The following DCC variants were observed in gnomAD, a reference collection of about 807,000 sequenced individuals.
The protein encoded by DCC is netrin receptor DCC.
A neutral mutation model predicts 172.5 loss-of-function variants in DCC; 58 were observed. The ratio of observed to expected loss-of-function variants is 0.34; its 90% CI spans 0.27 to 0.42. The LOEUF (loss-of-function observed/expected upper bound fraction) is 0.42, where lower values mean the gene tolerates loss of function less well. DCC is among the 10% of genes least tolerant of loss of function. The pLI is 1.00. For missense variants in DCC, 1,740 were observed against 1,791.0 expected (o/e 0.97, Z 0.51); for synonymous variants, 709 against 644.5 (o/e 1.10, Z -1.52).
At chr18:52,496,280 G>A (rs900808861) in intron 1 of DCC, among the ~76,000 whole-genome samples, 1 of 152,026 alleles carries the variant, frequency 6.6e-6, no homozygotes. Flanking sequence ...GCTGCAGTTA[G>A]CAATCAAGAG....
At chr18:52,741,758 C>T (rs946178329) in intron 1 of DCC, among the ~76,000 whole-genome samples, 1 of 152,240 alleles carries the variant, frequency 6.6e-6, no homozygotes, top group Non-Finnish European at 1.5e-5. Flanking sequence ...TCCAACCCAG[C>T]TATTCCTGGG....
chr18:53,498,080 C>T (rs561330316), intron 26 of DCC, among the ~76,000 whole-genome samples: 26 of 152,334 alleles, frequency 1.7e-4, no homozygotes, highest in African/African-American at 6.0e-4. Context: ...GACCTCTAAC[C>T]CCTTCTGAAT....
At chr18:52,807,401 T>TA (rs1278845549) in intron 2 of DCC, among the ~76,000 whole-genome samples, 2 of 152,204 alleles carry the variant, frequency 1.3e-5, no homozygotes, top group African/African-American at 4.8e-5. Context: ...GCAAAACTGA[T>TA]ATGCTCCCTG....
chr18:52,751,959 C>T, intron 1 of DCC, 95 bp from the exon 2 acceptor site: 1 of 1,095,386 alleles, frequency 9.1e-7, no homozygotes, highest in East Asian at 2.5e-5. Flanking sequence ...AAGCCCTCAG[C>T]TTTTGTGAAA....
At chr18:52,891,882 AT>A (rs1250892775) in intron 2 of DCC, among the ~76,000 whole-genome samples, 1 of 152,046 alleles carries the variant, frequency 6.6e-6, no homozygotes, top group Non-Finnish European at 1.5e-5. Flanking sequence ...CCACTCTTGT[AT>A]TCACCACCAC....
intron 2 of DCC, among the ~76,000 whole-genome samples, chr18:52,873,074 G>T (rs556183538): frequency 2.6e-5 from 4 of 152,010 alleles, no homozygotes; most frequent in African/African-American, 7.2e-5. Context: ...ATTTGAAATC[G>T]GTCACAGGCT....
intron 2 of DCC, among the ~76,000 whole-genome samples, chr18:52,800,561 G>A (rs1034613213): frequency 1.3e-5 from 2 of 152,166 alleles, no homozygotes; most frequent in African/African-American, 4.8e-5. Context: ...CTTCTCAGTT[G>A]AAAATGGTGT....
chr18:52,540,764 G>A (rs1568219341), intron 1 of DCC, among the ~76,000 whole-genome samples: 1 of 151,626 alleles, frequency 6.6e-6, no homozygotes, highest in Non-Finnish European at 1.5e-5. Flanking sequence ...CCGCCACCAC[G>A]CCCAGCTAAT....
chr18:52,694,302 A>T (rs2035976951), intron 1 of DCC, among the ~76,000 whole-genome samples: 1 of 152,174 alleles, frequency 6.6e-6, no homozygotes, highest in Non-Finnish European at 1.5e-5. Flanking sequence ...AGATATGATG[A>T]TGGGATGCAA....
At chr18:52,958,981 A>G (rs1298452195) in intron 5 of DCC, among the ~76,000 whole-genome samples, 2 of 152,042 alleles carry the variant, frequency 1.3e-5, no homozygotes, top group Non-Finnish European at 2.9e-5. Flanking sequence ...ATTTTTTGTA[A>G]TTTTGTTTTT....
chr18:53,158,533 CAA>C (rs955716667), intron 8 of DCC, among the ~76,000 whole-genome samples: 4 of 152,020 alleles, frequency 2.6e-5, no homozygotes, highest in Admixed American at 1.3e-4. Flanking sequence ...TTGGATAAAC[CAA>C]AGTGTTATTT....
At chr18:53,308,417 A>G (rs1321364992) in intron 13 of DCC, among the ~76,000 whole-genome samples, 1 of 152,014 alleles carries the variant, frequency 6.6e-6, no homozygotes, top group South Asian at 2.1e-4. Context: ...ACAGTATGAT[A>G]TGTATTTTTA....
intron 5 of DCC, among the ~76,000 whole-genome samples, chr18:52,949,675 G>T (rs1249245037): frequency 2.6e-5 from 4 of 152,136 alleles, no homozygotes; most frequent in Non-Finnish European, 4.4e-5. Flanking sequence ...CTTCAAAGTG[G>T]TTTTCAGCAG....
rs1249015998 is a variant in DCC, at chr18:53,145,973, G to A, written c.1262-11383G>A. The stretch of plus-strand genomic sequence containing the variant: ...ACTGGGCCAGGCACAGTGGCTCACA[G>A]CTGTAATCCTGGCACTTTGGGAGGC... On this transcript the variant is annotated intron_variant, in intron 7 of 28. Coordinates refer to ENST00000442544, the MANE Select transcript of DCC (RefSeq NM_005215.4). Among the ~76,000 whole-genome samples, 4 of 151,718 alleles carry A rather than the reference G, an allele frequency of 2.6e-5. No individual in the cohort carries two copies. In the South Asian group the frequency reaches 8.3e-4, roughly 32 times the overall value.
chr18:53,012,811 A>C (rs931570181), intron 5 of DCC, among the ~76,000 whole-genome samples: 2 of 152,086 alleles, frequency 1.3e-5, no homozygotes, highest in Admixed American at 1.3e-4. Context: ...ATGGGAGAAA[A>C]TTTTTGCAAT....
At chr18:52,449,458 A>G (rs554834866) in intron 1 of DCC, among the ~76,000 whole-genome samples, 2 of 152,358 alleles carry the variant, frequency 1.3e-5, no homozygotes, top group African/African-American at 4.8e-5. Context: ...TTTGGTCCTT[A>G]ATGATTTAGT....
At position 52,704,169 on chromosome 18, in the gene DCC, A is replaced by G. The variant is rs72914273; in HGVS notation, c.92-47885A>G. Among the ~76,000 whole-genome samples, 725 of 151,312 alleles carry G rather than the reference A, an allele frequency of 4.8e-3. 4 individuals are homozygous for G. Among genetic ancestry groups the G allele is most frequent in the Non-Finnish European group, 5.5e-3 (376 of 68,028 alleles). The stretch of plus-strand genomic sequence containing the variant: ...ATATTATTAATCTCTGTCAACATAC[A>G]CATAAAACTTCCAACCTTTGTATGT... On this transcript the variant is annotated intron_variant, in intron 1 of 28. Coordinates refer to ENST00000442544, the MANE Select transcript of DCC (RefSeq NM_005215.4).
intron 14 of DCC, among the ~76,000 whole-genome samples, chr18:53,326,587 C>T (rs1006038818): frequency 6.6e-6 from 1 of 152,144 alleles, no homozygotes; most frequent in South Asian, 2.1e-4. Flanking sequence ...TACAAAAGAA[C>T]ATTCAACCTG....
chr18:53,187,615 A>G, intron 9 of DCC, among the ~76,000 whole-genome samples: 1 of 152,114 alleles, frequency 6.6e-6, no homozygotes, highest in Admixed American at 6.6e-5. Flanking sequence ...TTACTGTACT[A>G]TTTTATGGAT....
Sources: gnomAD v4.1 joint callset for allele counts (sites outside exome capture counted in the v4.1 genomes callset) on GRCh38, gnomAD v4.1.1 for gene constraint, MANE v1.5 for transcripts, NCBI Gene and HGNC (gene_info 2026-07-23, HGNC 2026-07-21) for gene names.